Variants in DCTD observed in about 807,000 individuals in gnomAD.
DCTD encodes the protein deoxycytidylate deaminase.
In DCTD, 23 loss-of-function variants were observed where a neutral mutation model predicts 21.0. That is an observed-to-expected ratio of 1.09 (90% CI 0.79 to 1.55). The LOEUF (loss-of-function observed/expected upper bound fraction) is 1.55, where lower values mean the gene tolerates loss of function less well. Ranked by LOEUF, DCTD falls within the 40% of genes most tolerant of loss-of-function variation. The pLI is 0.00. For synonymous variants in DCTD, 71 were observed against 81.1 expected, an observed-to-expected ratio of 0.88 and a Z score of 0.67; for missense variants, 224 against 230.0, an observed-to-expected ratio of 0.97 and a Z score of 0.17.
Position 182,890,436 on chromosome 4 carries a change from C to A in DCTD, c.*963G>T, listed in dbSNP as rs904174791. 1 of 152,232 alleles carries A rather than the reference C, an allele frequency of 6.6e-6. No homozygotes were observed. Among genetic ancestry groups the A allele is most frequent in the Non-Finnish European group, 1.5e-5 (1 of 68,062 alleles). The allele number at this position is 152,232 out of a possible 1,614,324, so 9.4% of individuals were successfully genotyped here. A position where few individuals can be genotyped will look rare whatever the true frequency, so the allele number is the denominator to read the frequency against. On this transcript the variant is annotated 3_prime_UTR_variant, in exon 6 of 6. Transcript: ENST00000438320. ...ACAGTGCTGCAGTAAGCTGTCTCCA[C>A]GTGGGTGGAATTTCTCACAATCCAC... is the stretch of plus-strand genomic sequence containing the variant.
chr4:182,893,157 T>C, intron 4 of DCTD, 30 bp from the exon 5 acceptor site: 3 of 1,300,738 alleles, frequency 2.3e-6, no homozygotes, highest in South Asian at 1.2e-5. Flanking sequence ...GCTCCCTTAG[T>C]GTACGCACCT....
rs998770987 is a variant in DCTD, at chr4:182,890,544, A to C, written c.*855T>G. 2.6e-5 allele frequency: 4 copies of C among 152,256 alleles called. No homozygotes were observed. The highest frequency in any genetic ancestry group is 9.6e-5 in the African/African-American group (4 of 41,460). The allele number at this position is 152,256 out of a possible 1,614,324, so 9.4% of individuals were successfully genotyped here. ...CGTTGGCATGCGGAGGAGGGGCAAC[A>C]CATCCATGTTGGGGACCCCTCCCAT... On this transcript the variant is annotated 3_prime_UTR_variant, in exon 6 of 6. Transcript: ENST00000438320.
In DCTD at chr4:182,894,548, CA is replaced by C. The variant is rs1168374918; in HGVS notation, c.301del (p.Cys101ValfsTer22). On this transcript the variant is annotated frameshift_variant, in exon 4 of 6. Transcript: ENST00000438320. LOFTEE classifies it high-confidence loss of function. ...AGGGAACAAGGCAACATACATACTA[CA>C]GCCTTTCACATCGGTCGAATTTTTG... Reference protein sequence around the residue: ...MNKNSTDVKGCSMYVALFPCN... With the variant: ...MNKNSTDVKGXSMYVALFPCN... 12 of 1,614,030 alleles carry C rather than the reference CA, an allele frequency of 7.4e-6. No individual in the cohort carries two copies. The highest frequency in any genetic ancestry group is 1.0e-5 in the Non-Finnish European group (12 of 1,179,986).
chr4:182,914,537 C>A (rs970230940), intron 3 of DCTD, among the ~76,000 whole-genome samples: 8 of 152,336 alleles, frequency 5.3e-5, no homozygotes, highest in Non-Finnish European at 5.9e-5. Context: ...ACCCTGCTTC[C>A]AAGTAGTAAA....
intron 3 of DCTD, among the ~76,000 whole-genome samples, chr4:182,905,681 C>T (rs765934539): frequency 1.3e-5 from 2 of 152,152 alleles, no homozygotes; most frequent in South Asian, 2.1e-4. Context: ...GCCCTCAGGG[C>T]TCAGCCACAG....
At chr4:182,916,422 G>A (rs146342673) in intron 1 of DCTD, 2 of 985,472 alleles carry the variant, frequency 2.0e-6, no homozygotes, top group Non-Finnish European at 2.4e-6. Flanking sequence ...TGGGTACCAC[G>A]GAGAAATCTT....
chr4:182,912,149 CAAAA>C (rs34737293), intron 3 of DCTD, among the ~76,000 whole-genome samples: 5 of 82,270 alleles, frequency 6.1e-5, no homozygotes, highest in Non-Finnish European at 1.0e-4. Context: ...AAAACGAAAG[CAAAA>C]AAAAAAAAAA....
At chr4:182,915,369 G>C in intron 2 of DCTD, 92 bp downstream of exon 2, 6 of 903,148 alleles carry the variant, frequency 6.6e-6, no homozygotes, top group Non-Finnish European at 1.8e-6. Flanking sequence ...CTTTTAAGTT[G>C]ACAGGCGTCC....
intron 4 of DCTD, 102 bp from the exon 5 acceptor site, chr4:182,893,229 C>T (rs1734136109): frequency 5.4e-6 from 4 of 740,086 alleles, no homozygotes; most frequent in South Asian, 4.4e-5. Context: ...TGATTAATGA[C>T]CTTTTCTGAG....
chr4:182,906,084 G>A (rs1402238040), intron 3 of DCTD, among the ~76,000 whole-genome samples: 4 of 151,380 alleles, frequency 2.6e-5, no homozygotes, highest in South Asian at 2.1e-4. Context: ...GTCACCTCCC[G>A]GCTGGCGAGT....
intron 3 of DCTD, among the ~76,000 whole-genome samples, chr4:182,908,508 C>G (rs1216441253): frequency 1.3e-5 from 2 of 151,536 alleles, no homozygotes; most frequent in Non-Finnish European, 2.9e-5. Flanking sequence ...ATGGTGAAAC[C>G]CCATCTCTAC....
intron 3 of DCTD, among the ~76,000 whole-genome samples, chr4:182,914,428 C>T (rs1466357080): frequency 4.0e-4 from 61 of 152,388 alleles, no homozygotes; most frequent in Non-Finnish European, 8.8e-5. Flanking sequence ...TTCCTGCTTG[C>T]CAGCAATGAG....
intron 3 of DCTD, among the ~76,000 whole-genome samples, chr4:182,908,028 A>T (rs1290861326): frequency 6.6e-6 from 1 of 150,490 alleles, no homozygotes; most frequent in East Asian, 2.0e-4. Context: ...GCATATCCCT[A>T]TCCAGATTAA....
At chr4:182,899,294 C>A (rs983571813) in intron 3 of DCTD, among the ~76,000 whole-genome samples, 9 of 152,202 alleles carry the variant, frequency 5.9e-5, no homozygotes, top group African/African-American at 1.4e-4. Flanking sequence ...TCTCTTTCTG[C>A]TTTACTTTTC....
chr4:182,895,473 C>T lies in DCTD; in HGVS notation c.245-868G>A, dbSNP rs114509015. Reference sequence around the variant, plus strand: ...TCCACCCATGATCCCGGGTCACATCCGGACCTGCCTGAGTTCAGAGTCAAG... The same window carrying T: ...TCCACCCATGATCCCGGGTCACATCTGGACCTGCCTGAGTTCAGAGTCAAG... On this transcript the variant is annotated intron_variant, in intron 3 of 5. Transcript: ENST00000438320. Among the ~76,000 whole-genome samples the T allele has an allele frequency of 1.8e-3, 270 of 152,306 alleles. 2 individuals carry two copies. Among genetic ancestry groups the T allele is most frequent in the African/African-American group, 5.9e-3 (245 of 41,552 alleles).
In DCTD at chr4:182,890,444, G is replaced by A. The variant is rs1322101825; in HGVS notation, c.*955C>T. On this transcript the variant is annotated 3_prime_UTR_variant, in exon 6 of 6. Transcript: ENST00000438320. ...GCAGTAAGCTGTCTCCACGTGGGTG[G>A]AATTTCTCACAATCCACTCACGGGA... 1 of 152,240 alleles carries A rather than the reference G, an allele frequency of 6.6e-6. No individual in the cohort carries two copies. Among genetic ancestry groups the A allele is most frequent in the Non-Finnish European group, 1.5e-5 (1 of 68,062 alleles). The allele number at this position is 152,240 out of a possible 1,614,324, so 9.4% of individuals were successfully genotyped here.
intron 3 of DCTD, among the ~76,000 whole-genome samples, chr4:182,907,377 A>G (rs1736914799): frequency 6.6e-6 from 1 of 152,052 alleles, no homozygotes; most frequent in Non-Finnish European, 1.5e-5. Context: ...AACTCGAACG[A>G]TCCACCTGCC....
intron 3 of DCTD, among the ~76,000 whole-genome samples, chr4:182,914,297 C>T (rs1463203574): frequency 1.3e-5 from 2 of 152,232 alleles, no homozygotes; most frequent in East Asian, 1.9e-4. Flanking sequence ...CGTGAGCCAT[C>T]GTGCCCAGCC....
chr4:182,912,297 T>C (rs1305975293), intron 3 of DCTD, among the ~76,000 whole-genome samples: 1 of 152,244 alleles, frequency 6.6e-6, no homozygotes, highest in Non-Finnish European at 1.5e-5. Flanking sequence ...CATCGTCATT[T>C]AGACTTTAAG....
Sources: allele counts gnomAD v4.1 joint callset (sites outside exome capture counted in the v4.1 genomes callset), GRCh38; gene constraint gnomAD v4.1.1; transcripts MANE v1.5; gene names NCBI Gene and HGNC (gene_info 2026-07-23, HGNC 2026-07-21).